Variants in NDUFAF6 observed in about 807,000 individuals in gnomAD.
NDUFAF6 encodes NADH:ubiquinone oxidoreductase complex assembly factor 6.
Under a neutral mutation model 40.8 loss-of-function variants are expected in NDUFAF6, and 45 were observed. The observed-to-expected ratio is 1.10, with a 90% confidence interval of 0.87 to 1.42. The LOEUF (loss-of-function observed/expected upper bound fraction) is 1.42. Ranked by LOEUF, NDUFAF6 falls within the 40% of genes most tolerant of loss-of-function variation. The probability of loss-of-function intolerance (pLI) is 0.00; values close to 1 mark genes in which losing one functional copy is unlikely to be tolerated. For synonymous variants in NDUFAF6, 185 were observed against 155.9 expected, an observed-to-expected ratio of 1.19 and a Z score of -1.39; for missense variants, 435 against 418.5, an observed-to-expected ratio of 1.04 and a Z score of -0.34.
intron 1 of NDUFAF6, among the ~76,000 whole-genome samples, chr8:94,899,420 C>A (rs1457230133): frequency 6.6e-6 from 1 of 152,130 alleles, no homozygotes; most frequent in African/African-American, 2.4e-5. Flanking sequence ...CTTTTCTGAG[C>A]TTCATAATCA....
At chr8:95,014,639 G>A (rs1827365879) in intron 2 of NDUFAF6, among the ~76,000 whole-genome samples, 1 of 152,206 alleles carries the variant, frequency 6.6e-6, no homozygotes. Context: ...GTGTTAGCCA[G>A]GACTCTTGGG....
At chr8:94,957,218 A>G, upstream of NDUFAF6, among the ~76,000 whole-genome samples, 1 of 152,116 alleles carries the variant, frequency 6.6e-6, no homozygotes, top group Non-Finnish European at 1.5e-5. Context: ...AGGGACACAA[A>G]CTGAGCTTGA....
intron 3 of NDUFAF6, chr8:95,036,585 A>G: frequency 9.4e-7 from 1 of 1,060,320 alleles, no homozygotes; most frequent in Non-Finnish European, 1.2e-6. Context: ...TAAAATCCAG[A>G]AACCCTTTCT....
At chr8:95,044,390 G>T (rs1396688694) in intron 4 of NDUFAF6, 1 of 149,202 alleles carries the variant, frequency 6.7e-6, no homozygotes, top group Admixed American at 6.7e-5. Flanking sequence ...TGTTAATTAT[G>T]TCTCAAAAAA....
At chr8:95,114,275 C>A (rs1288976203) in intron 4 of NDUFAF6, among the ~76,000 whole-genome samples, 2 of 152,122 alleles carry the variant, frequency 1.3e-5, no homozygotes, top group African/African-American at 2.4e-5. Flanking sequence ...GGTGCCTCAC[C>A]CTTAGCCAGA....
chr8:94,953,651 G>A (rs1456778283), upstream of NDUFAF6, among the ~76,000 whole-genome samples: 1 of 152,266 alleles, frequency 6.6e-6, no homozygotes, highest in Non-Finnish European at 1.5e-5. Context: ...GCAACCTGAG[G>A]TGGGTCTGTA....
In NDUFAF6 at chr8:95,030,593, G is replaced by A. The variant is rs540593459; in HGVS notation, c.198-1402G>A. ...ACTTGGCCAGTGAGAACTCTGTCAA[G>A]CCAGTTTCTGTGTTCTTTTGAGAAG... On this transcript the variant is annotated intron_variant, in intron 1 of 8. Transcript: ENST00000396124. Among the ~76,000 whole-genome samples, 5 of 152,084 alleles carry A rather than the reference G, an allele frequency of 3.3e-5. No individual in the cohort carries two copies. The South Asian group carries it at 6.2e-4, about 19-fold the overall frequency.
chr8:94,947,381 C>A (rs1433550518), intron 2 of NDUFAF6, among the ~76,000 whole-genome samples: 2 of 151,826 alleles, frequency 1.3e-5, no homozygotes, highest in African/African-American at 2.4e-5. Flanking sequence ...GGTGGCTAAA[C>A]GTACCGTCAT....
intron 2 of NDUFAF6, among the ~76,000 whole-genome samples, chr8:95,005,118 A>G (rs1457729709): frequency 6.6e-6 from 1 of 152,148 alleles, no homozygotes; most frequent in African/African-American, 2.4e-5. Context: ...AAATGACTTG[A>G]CACTTTTCTT....
chr8:94,923,754 A>C (rs1195325825), intron 1 of NDUFAF6, among the ~76,000 whole-genome samples: 7 of 145,772 alleles, frequency 4.8e-5, no homozygotes, highest in African/African-American at 1.8e-4. Context: ...ATCTTGGCTT[A>C]CTTCAACCCC....
At chr8:94,991,804 C>T (rs1396352979) in intron 2 of NDUFAF6, among the ~76,000 whole-genome samples, 1 of 141,858 alleles carries the variant, frequency 7.0e-6, no homozygotes, top group Non-Finnish European at 1.5e-5. Flanking sequence ...TCGCCCCCCC[C>T]CCCTTTTTTT....
In NDUFAF6 at chr8:94,900,729, G is replaced by A. The variant is rs1226580206; in HGVS notation, c.-936+4802G>A. On this transcript the variant is annotated intron_variant, in intron 1 of 14. Coordinates refer to the NDUFAF6 transcript ENST00000396113. ...ACACTGTTCTCTGTCCCCAGAGCTTGAGTTCTGTTGGACTGGGGAACAGAG... is the reference window on the plus strand; with the variant it reads ...ACACTGTTCTCTGTCCCCAGAGCTTAAGTTCTGTTGGACTGGGGAACAGAG... 3.3e-5 allele frequency among the ~76,000 whole-genome samples: 5 copies of A among 152,340 alleles called. No individual in the cohort carries two copies. The South Asian group carries it at 1.0e-3, about 32-fold the overall frequency.
intron 2 of NDUFAF6, among the ~76,000 whole-genome samples, chr8:95,084,488 C>G (rs1048549009): frequency 6.6e-6 from 1 of 152,064 alleles, no homozygotes; most frequent in Non-Finnish European, 1.5e-5. Flanking sequence ...AAGTCCATAC[C>G]TTACTCTTCA....
At chr8:95,080,960 C>T (rs1051520841), downstream of NDUFAF6, among the ~76,000 whole-genome samples, 2 of 152,110 alleles carry the variant, frequency 1.3e-5, no homozygotes, top group African/African-American at 4.8e-5. Flanking sequence ...CCATGTTAGC[C>T]CACCTAGCCT....
At chr8:94,943,744 A>C (rs1426254914) in intron 1 of NDUFAF6, among the ~76,000 whole-genome samples, 2 of 152,232 alleles carry the variant, frequency 1.3e-5, no homozygotes, top group Non-Finnish European at 1.5e-5. Flanking sequence ...ATTTCAAATA[A>C]ATAACATTAG....
intron 1 of NDUFAF6, chr8:94,975,528 C>T (rs568911112): frequency 6.6e-6 from 1 of 152,394 alleles, no homozygotes; most frequent in East Asian, 1.9e-4. Context: ...CTGCTGGCCT[C>T]CTGGAAGCTT....
rs1335641980 is a variant in NDUFAF6 at position 94,921,847 on chromosome 8, C to T, written c.-935-23636C>T. ...CTCTGTGAAATAGGAGGCAGAAGGC[C>T]AGCAGTGGTTTAGGGCAATGGTCTC... On this transcript the variant is annotated intron_variant, in intron 1 of 14. Coordinates refer to the NDUFAF6 transcript ENST00000396113. Among the ~76,000 whole-genome samples the T allele has an allele frequency of 5.9e-5, 9 of 152,320 alleles. No individual in the cohort carries two copies. In the East Asian group the frequency reaches 1.4e-3, roughly 23 times the overall value.
chr8:94,931,917 A>G (rs1820446155), intron 1 of NDUFAF6, among the ~76,000 whole-genome samples: 1 of 152,176 alleles, frequency 6.6e-6, no homozygotes, highest in Non-Finnish European at 1.5e-5. Context: ...GGCTGCTGTG[A>G]GCCAATATCA....
At chr8:95,067,495 T>C (rs1832730691) in intron 9 of NDUFAF6, 1 of 151,950 alleles carries the variant, frequency 6.6e-6, no homozygotes, top group Non-Finnish European at 1.5e-5. Context: ...TAAATCTGTC[T>C]TGGTGAAACC....
Sources: gnomAD v4.1 joint callset for allele counts (sites outside exome capture counted in the v4.1 genomes callset) on GRCh38, gnomAD v4.1.1 for gene constraint, MANE v1.5 for transcripts, NCBI Gene and HGNC (gene_info 2026-07-23, HGNC 2026-07-21) for gene names.